CFAP299: variants seen among roughly 807,000 people sequenced by gnomAD.
The protein encoded by CFAP299 is cilia- and flagella-associated protein 299.
CFAP299 carries 21 observed loss-of-function variants against 27.0 expected under a neutral mutation model. The ratio of observed to expected loss-of-function variants is 0.78; its 90% CI spans 0.55 to 1.12. The LOEUF (loss-of-function observed/expected upper bound fraction) is 1.12, where lower values mean the gene tolerates loss of function less well. Among genes scored for constraint, CFAP299 ranks in the 50% most tolerant of loss-of-function variants. The pLI is 0.00. For synonymous variants in CFAP299, 104 were observed against 98.1 expected (o/e 1.06, Z -0.36); for missense variants, 310 against 276.6 (o/e 1.12, Z -0.86).
rs144952195 is a variant in CFAP299 at position 80,789,456 on chromosome 4, A to G, written c.334-80537A>G. Among the ~76,000 whole-genome samples, 259 of 152,182 alleles carry G rather than the reference A, an allele frequency of 1.7e-3. 2 individuals are homozygous for G. The highest frequency in any genetic ancestry group is 6.0e-3 in the African/African-American group (251 of 41,560). On this transcript the variant is annotated intron_variant, in intron 3 of 5. Transcript: ENST00000358105. ...ATTAGATAGCCTCATGAATTTGGGC[A>G]AAAGTTAATACTGATACAAAGTTAC... is the stretch of plus-strand genomic sequence containing the variant.
intron 3 of CFAP299, among the ~76,000 whole-genome samples, chr4:80,857,579 C>A (rs1731997091): frequency 6.6e-6 from 1 of 152,148 alleles, no homozygotes; most frequent in Non-Finnish European, 1.5e-5. Context: ...AGATACATCC[C>A]ATCAATACCT....
At chr4:80,876,828 G>T (rs1204793822) in intron 4 of CFAP299, among the ~76,000 whole-genome samples, 3 of 151,920 alleles carry the variant, frequency 2.0e-5, no homozygotes, top group Admixed American at 6.5e-5. Flanking sequence ...TTTGTCAGAA[G>T]TGTGTCTCCT....
At position 80,476,693 on chromosome 4, in the gene CFAP299, A is replaced by G. The variant is rs372677777; in HGVS notation, c.243-106400A>G. Among the ~76,000 whole-genome samples the G allele has an allele frequency of 5.1e-4, 78 of 152,268 alleles. 1 individual carries two copies. Among genetic ancestry groups the G allele is most frequent in the African/African-American group, 1.8e-3 (73 of 41,558 alleles). Reference sequence around the variant, plus strand: ...TTCTTCATCATTATTTGTGTCAGTTATACAGAAACTCAGCATTTCCAGCGT... The same window carrying G: ...TTCTTCATCATTATTTGTGTCAGTTGTACAGAAACTCAGCATTTCCAGCGT... On this transcript the variant is annotated intron_variant, in intron 2 of 5. Coordinates refer to ENST00000358105, the MANE Select transcript of CFAP299 (RefSeq NM_152770.3).
At chr4:80,908,492 T>G (rs1735297965) in intron 4 of CFAP299, among the ~76,000 whole-genome samples, 1 of 152,190 alleles carries the variant, frequency 6.6e-6, no homozygotes, top group South Asian at 2.1e-4. Context: ...AAAAAATTAG[T>G]GGAGAGGTGT....
chr4:80,682,467 A>G (rs1324814638), intron 3 of CFAP299, among the ~76,000 whole-genome samples: 2 of 151,792 alleles, frequency 1.3e-5, no homozygotes, highest in Non-Finnish European at 2.9e-5. Flanking sequence ...AATTCAACCA[A>G]CCCCTTTGGT....
At chr4:80,804,366 A>T (rs1728758770) in intron 3 of CFAP299, among the ~76,000 whole-genome samples, 2 of 152,140 alleles carry the variant, frequency 1.3e-5, no homozygotes, top group Non-Finnish European at 2.9e-5. Context: ...AAGTGGAATC[A>T]TCTGGTATAT....
chr4:80,387,433 G>A, intron 2 of CFAP299: 1 of 875,384 alleles, frequency 1.1e-6, no homozygotes, highest in Non-Finnish European at 1.9e-6. Context: ...ACAAGTAGGA[G>A]CTGTAGATGA....
chr4:80,700,948 C>A (rs1019647413), intron 3 of CFAP299, among the ~76,000 whole-genome samples: 1 of 151,948 alleles, frequency 6.6e-6, no homozygotes, highest in Non-Finnish European at 1.5e-5. Context: ...CTGTTCTAAG[C>A]ACTTACATGC....
chr4:80,701,161 G>T (rs1721453475), intron 3 of CFAP299, among the ~76,000 whole-genome samples: 1 of 151,948 alleles, frequency 6.6e-6, no homozygotes, highest in African/African-American at 2.4e-5. Flanking sequence ...CATTAGTGGG[G>T]GTTAGAATTG....
chr4:80,829,715 C>T (rs1038952539), intron 3 of CFAP299, among the ~76,000 whole-genome samples: 8 of 151,954 alleles, frequency 5.3e-5, no homozygotes, highest in Admixed American at 1.3e-4. Context: ...AAACAAAATA[C>T]GGTATATACA....
chr4:80,461,058 C>T (rs1450975275), intron 2 of CFAP299, among the ~76,000 whole-genome samples: 1 of 152,132 alleles, frequency 6.6e-6, no homozygotes, highest in African/African-American at 2.4e-5. Flanking sequence ...CAAAGATTTT[C>T]TGATGGGCAA....
At position 80,362,796 on chromosome 4, in the gene CFAP299, GGGACTGGAGAGAGAGT is replaced by G; in HGVS notation, c.156_171del (p.Thr53LysfsTer12). 1 of 1,613,018 alleles carries G rather than the reference GGGACTGGAGAGAGAGT, an allele frequency of 6.2e-7. No individual in the cohort carries two copies. The highest frequency in any genetic ancestry group is 1.3e-5 in the African/African-American group (1 of 74,998). On this transcript the variant is annotated frameshift_variant, in exon 2 of 6. Coordinates refer to ENST00000358105, the MANE Select transcript of CFAP299 (RefSeq NM_152770.3). LOFTEE classifies it high-confidence loss of function. Reference sequence around the variant, plus strand: ...CCAGTTGGTGGAGCTAGGCTACCGAGGGACTGGAGAGAGAGTGAAAAGGGAAGATTTTGAAGCAAGG... The same window carrying G: ...CCAGTTGGTGGAGCTAGGCTACCGAGGAAAAGGGAAGATTTTGAAGCAAGG...
chr4:80,647,191 T>G (rs1034056614), intron 3 of CFAP299, among the ~76,000 whole-genome samples: 53 of 152,130 alleles, frequency 3.5e-4, no homozygotes, highest in Non-Finnish European at 1.6e-4. Context: ...TTTTTATCAT[T>G]ATACTCCCAG....
At chr4:80,573,094 T>G (rs1307179040) in intron 2 of CFAP299, among the ~76,000 whole-genome samples, 1 of 152,140 alleles carries the variant, frequency 6.6e-6, no homozygotes, top group Non-Finnish European at 1.5e-5. Context: ...ATCAACAGTG[T>G]ATCAGGGTTC....
At chr4:80,944,965 G>C (rs1271697955) in intron 5 of CFAP299, 26 bp downstream of exon 5, 1 of 1,597,220 alleles carries the variant, frequency 6.3e-7, no homozygotes, top group Admixed American at 1.7e-5. Context: ...CACTTAGTTA[G>C]TTACCTCTTC....
At chr4:80,333,669 T>C (rs756062218), upstream of CFAP299, among the ~76,000 whole-genome samples, 1 of 152,238 alleles carries the variant, frequency 6.6e-6, no homozygotes, top group African/African-American at 2.4e-5. Context: ...ACATAACATA[T>C]GTTTCCTCTT....
At chr4:80,565,236 A>T (rs73832421) in intron 2 of CFAP299, among the ~76,000 whole-genome samples, 6,903 of 152,066 alleles carry the variant, frequency 0.045, 550 homozygotes, top group African/African-American at 0.16. Context: ...AAACAACCCA[A>T]TGACTATCAG....
intron 4 of CFAP299, among the ~76,000 whole-genome samples, chr4:80,940,274 T>G (rs897395368): frequency 5.3e-5 from 8 of 152,138 alleles, no homozygotes; most frequent in Non-Finnish European, 1.2e-4. Context: ...CAAGACTATT[T>G]AGTCATGCCA....
At chr4:80,465,802 C>G (rs1729671225) in intron 2 of CFAP299, among the ~76,000 whole-genome samples, 1 of 152,212 alleles carries the variant, frequency 6.6e-6, no homozygotes, top group African/African-American at 2.4e-5. Flanking sequence ...TTTTAACACT[C>G]TTTGAGCTGT....
Sources: gnomAD v4.1 joint callset for allele counts (sites outside exome capture counted in the v4.1 genomes callset) on GRCh38, gnomAD v4.1.1 for gene constraint, MANE v1.5 for transcripts, NCBI Gene and HGNC (gene_info 2026-07-23, HGNC 2026-07-21) for gene names.